The following EIF4G3 variants were observed in gnomAD, a reference collection of about 807,000 sequenced individuals.
EIF4G3 encodes eukaryotic translation initiation factor 4 gamma 3.
Under a neutral mutation model 186.4 loss-of-function variants are expected in EIF4G3, and 34 were observed. The ratio of observed to expected loss-of-function variants is 0.18; its 90% CI spans 0.14 to 0.24. EIF4G3 has a LOEUF of 0.24. Among genes scored for constraint, EIF4G3 ranks in the 10% least tolerant of loss-of-function variants. The probability of loss-of-function intolerance (pLI) is 1.00; values close to 1 mark genes in which losing one functional copy is unlikely to be tolerated. For missense variants in EIF4G3, 1,536 were observed against 1,948.5 expected (o/e 0.79, Z 3.99); for synonymous variants, 673 against 679.5 (o/e 0.99, Z 0.15).
In EIF4G3 at chr1:20,942,154, T is replaced by C. The variant is rs1252851320; in HGVS notation, c.1000A>G (p.Thr334Ala). The change falls in exon 14 of 37, where the codon ACA (threonine) becomes GCA (alanine). Residue 334 changes from threonine (T) to alanine (A), a missense_variant. Around this residue, in one of 11 missense-constraint regions of EIF4G3, gnomAD observed 560 missense variants for 547.8 expected, o/e 1.02. Coordinates refer to ENST00000602326, the MANE Select transcript of EIF4G3 (RefSeq NM_001391906.1). ...PTTVSSVARS[T>A]IAAPTSSALS... ...GCAGAAGAGGTGGGGGCTGCAATTGTACTTCGAGCAACAGAAGAAACAGTG... is the reference window on the plus strand; with the variant it reads ...GCAGAAGAGGTGGGGGCTGCAATTGCACTTCGAGCAACAGAAGAAACAGTG... 2 of 1,614,012 alleles carry C rather than the reference T, an allele frequency of 1.2e-6. No homozygotes were observed. Among genetic ancestry groups the C allele is most frequent in the East Asian group, 4.5e-5 (2 of 44,876 alleles).
intron 34 of EIF4G3, among the ~76,000 whole-genome samples, chr1:20,814,258 AC>A (rs1477546949): frequency 2.6e-5 from 4 of 152,298 alleles, no homozygotes; most frequent in Admixed American, 2.6e-4. Context: ...GAACCATCAC[AC>A]CCAGACCAGA....
At chr1:20,894,833 T>C (rs1002779279) in intron 17 of EIF4G3, among the ~76,000 whole-genome samples, 2 of 152,200 alleles carry the variant, frequency 1.3e-5, no homozygotes, top group Non-Finnish European at 2.9e-5. Flanking sequence ...GTGTGCACCA[T>C]AAAGATCAGA....
chr1:20,955,386 C>A (rs2096382882), intron 12 of EIF4G3, among the ~76,000 whole-genome samples: 1 of 152,054 alleles, frequency 6.6e-6, no homozygotes, highest in Non-Finnish European at 1.5e-5. Context: ...TGTGTACCAA[C>A]ATGCCCAGCT....
At chr1:21,020,268 G>T (rs1279951598) in intron 4 of EIF4G3, among the ~76,000 whole-genome samples, 4 of 152,086 alleles carry the variant, frequency 2.6e-5, no homozygotes, top group Admixed American at 2.6e-4. Context: ...TGAGAAGATT[G>T]CTTGAGCTTA....
chr1:20,999,255 G>A (rs996676255), intron 6 of EIF4G3: 2 of 290,614 alleles, frequency 6.9e-6, no homozygotes, highest in South Asian at 3.1e-5. Flanking sequence ...TCAGAATGAT[G>A]ATAACTGGCA....
At chr1:20,954,040 G>A (rs1388073326) in intron 12 of EIF4G3, among the ~76,000 whole-genome samples, 1 of 152,142 alleles carries the variant, frequency 6.6e-6, no homozygotes, top group African/African-American at 2.4e-5. Context: ...AATATTTGCT[G>A]ACCTGTATTG....
intron 36 of EIF4G3, among the ~76,000 whole-genome samples, chr1:20,808,737 C>T (rs949860622): frequency 4.6e-5 from 7 of 152,146 alleles, no homozygotes; most frequent in African/African-American, 1.7e-4. Flanking sequence ...GCTATCTCAT[C>T]TGGATTTTAT....
intron 29 of EIF4G3, among the ~76,000 whole-genome samples, chr1:20,844,097 A>T (rs1034455679): frequency 2.0e-5 from 3 of 152,180 alleles, no homozygotes; most frequent in East Asian, 3.8e-4. Context: ...TGCTATTGTG[A>T]ATAGTGCTAC....
At chr1:20,827,944 G>A (rs560272931) in intron 31 of EIF4G3, among the ~76,000 whole-genome samples, 1 of 151,956 alleles carries the variant, frequency 6.6e-6, no homozygotes, top group Non-Finnish European at 1.5e-5. Flanking sequence ...GATCAGATGT[G>A]GTAATCTGTT....
At chr1:21,036,674 G>A (rs1432270810) in intron 4 of EIF4G3, among the ~76,000 whole-genome samples, 1 of 152,084 alleles carries the variant, frequency 6.6e-6, no homozygotes, top group Non-Finnish European at 1.5e-5. Flanking sequence ...GAGCTCAGGA[G>A]GTCAAGGCCA....
chr1:20,979,068 CA>C (rs2077439969), intron 10 of EIF4G3, among the ~76,000 whole-genome samples: 1 of 152,142 alleles, frequency 6.6e-6, no homozygotes, highest in Non-Finnish European at 1.5e-5. Flanking sequence ...TATAACAGAT[CA>C]ATGCTTACTG....
intron 2 of EIF4G3, among the ~76,000 whole-genome samples, chr1:21,093,576 T>C (rs1409794080): frequency 6.6e-6 from 1 of 152,154 alleles, no homozygotes; most frequent in East Asian, 1.9e-4. Context: ...ACAAATACCA[T>C]TTGACCCAGG....
At chr1:21,123,687 C>T (rs551321292) in intron 2 of EIF4G3, among the ~76,000 whole-genome samples, 2 of 152,030 alleles carry the variant, frequency 1.3e-5, no homozygotes, top group African/African-American at 4.8e-5. Context: ...CAGGAAAAGA[C>T]AAATTGTAGT....
At chr1:21,108,370 C>T (rs2096654303) in intron 2 of EIF4G3, among the ~76,000 whole-genome samples, 2 of 151,982 alleles carry the variant, frequency 1.3e-5, no homozygotes, top group African/African-American at 4.8e-5. Context: ...TATATATAAA[C>T]ATGTATAACT....
chr1:21,098,437 G>T (rs2096431858), intron 2 of EIF4G3, among the ~76,000 whole-genome samples: 1 of 150,424 alleles, frequency 6.6e-6, no homozygotes, highest in South Asian at 2.1e-4. Context: ...AACTTGGGAG[G>T]TTGAGGTGGG....
intron 4 of EIF4G3, among the ~76,000 whole-genome samples, chr1:21,027,031 A>T (rs1297656778): frequency 6.6e-6 from 1 of 152,042 alleles, no homozygotes; most frequent in Non-Finnish European, 1.5e-5. Flanking sequence ...AAATGGGCAA[A>T]GGACACGAAT....
chr1:20,981,812 A>G (rs1425507524), intron 8 of EIF4G3, among the ~76,000 whole-genome samples: 1 of 151,892 alleles, frequency 6.6e-6, no homozygotes, highest in Non-Finnish European at 1.5e-5. Context: ...TACTGTATAT[A>G]TACATACATA....
At chr1:20,957,812 A>G (rs2096472963) in intron 12 of EIF4G3, among the ~76,000 whole-genome samples, 1 of 152,198 alleles carries the variant, frequency 6.6e-6, no homozygotes, top group East Asian at 1.9e-4. Context: ...AAATGGATAA[A>G]TTCCTGGAAC....
At chr1:21,172,176 A>G (rs917883156) in intron 2 of EIF4G3, among the ~76,000 whole-genome samples, 2 of 150,254 alleles carry the variant, frequency 1.3e-5, no homozygotes, top group Admixed American at 6.6e-5. Context: ...TTAAAATTCT[A>G]TGGAGCAGCA....
Sources: gnomAD v4.1 joint callset for allele counts (sites outside exome capture counted in the v4.1 genomes callset) on GRCh38, gnomAD v4.1.1 for gene constraint, gnomAD v4.1.1 regional missense constraint, MANE v1.5 for transcripts, NCBI Gene and HGNC (gene_info 2026-07-23, HGNC 2026-07-21) for gene names.